Variants in LIAS observed in about 807,000 individuals in gnomAD.
The protein encoded by LIAS is lipoic acid synthetase, also known as lipoyl synthase, mitochondrial.
A neutral mutation model predicts 49.4 loss-of-function variants in LIAS; 36 were observed. The ratio of observed to expected loss-of-function variants is 0.73; its 90% CI spans 0.56 to 0.96. The LOEUF is 0.96. LIAS is among the 40% of genes least tolerant of loss of function. The pLI is 0.00. For missense variants in LIAS, 399 were observed against 456.3 expected (o/e 0.87, Z 1.14); for synonymous variants, 145 against 155.8 (o/e 0.93, Z 0.52).
At chr4:39,476,808 C>A in intron 10 of LIAS, 2 of 412,372 alleles carry the variant, frequency 4.8e-6, no homozygotes, top group Non-Finnish European at 4.3e-6. Flanking sequence ...AGTAGGGTCA[C>A]CCTTTGTAAT....
At chr4:39,476,544 C>T (rs17618369) in intron 10 of LIAS, 47,554 of 152,598 alleles carry the variant, frequency 0.31, 8,290 homozygotes, top group South Asian at 0.46. Flanking sequence ...ATTGCGTAGG[C>T]ACAACTCAGG....
At chr4:39,473,468 CAATT>C (rs934636628) in intron 10 of LIAS, 1 of 287,746 alleles carries the variant, frequency 3.5e-6, no homozygotes, top group Non-Finnish European at 6.4e-6. Context: ...AAAGCAGAAA[CAATT>C]AGTTTATTAA....
intron 4 of LIAS, chr4:39,463,920 A>T: frequency 3.9e-6 from 1 of 255,384 alleles, no homozygotes; most frequent in Non-Finnish European, 7.2e-6. Flanking sequence ...TGTTTAACAT[A>T]TTCAACAAGA....
chr4:39,461,478 T>C (rs1415674560), intron 2 of LIAS, among the ~76,000 whole-genome samples: 4 of 152,336 alleles, frequency 2.6e-5, no homozygotes, highest in Admixed American at 6.5e-5. Context: ...TTTTTTCCAT[T>C]GAGTAACCAC....
In LIAS at chr4:39,479,035, C is replaced by G. The variant is rs1745304039; in HGVS notation, c.*1920C>G. The G allele has an allele frequency of 6.6e-6, 1 of 152,036 alleles. No homozygotes were observed. Among genetic ancestry groups the G allele is most frequent in the African/African-American group, 2.4e-5 (1 of 41,376 alleles). 9.4% of individuals were successfully genotyped at this position (152,036 alleles called of 1,614,324 possible). Reference sequence around the variant, plus strand: ...CTAGCCTGGGCAACACAGTCAGACCCCCATCTCTACCAAAAATACAAAAAA... The same window carrying G: ...CTAGCCTGGGCAACACAGTCAGACCGCCATCTCTACCAAAAATACAAAAAA... On this transcript the variant is annotated 3_prime_UTR_variant, in exon 11 of 11. Transcript: ENST00000640888.
chr4:39,472,984 G>A, intron 9 of LIAS, 116 bp from the exon 10 acceptor site: 1 of 624,616 alleles, frequency 1.6e-6, no homozygotes, highest in Non-Finnish European at 2.8e-6. Context: ...AAAAGCCTGG[G>A]GGTGGGGGCA....
chr4:39,472,845 TC>T (rs1403994233), intron 9 of LIAS, among the ~76,000 whole-genome samples: 1 of 152,198 alleles, frequency 6.6e-6, no homozygotes, highest in Non-Finnish European at 1.5e-5. Flanking sequence ...TCTTTCTCTG[TC>T]CTTTGGAATA....
At chr4:39,462,818 C>T (rs199948351) in intron 3 of LIAS, among the ~76,000 whole-genome samples, 2 of 152,244 alleles carry the variant, frequency 1.3e-5, no homozygotes, top group East Asian at 3.9e-4. Flanking sequence ...AACCCCGTCT[C>T]TAATAAAATA....
At chr4:39,462,922 G>A (rs1411886270) in intron 3 of LIAS, among the ~76,000 whole-genome samples, 1 of 152,208 alleles carries the variant, frequency 6.6e-6, no homozygotes, top group Non-Finnish European at 1.5e-5. Context: ...GGGAGGTGGA[G>A]ATTGCAGTGA....
intron 7 of LIAS, chr4:39,468,502 A>AAAAAAAATATATAT (rs140159831): frequency 9.6e-5 from 12 of 125,184 alleles, no homozygotes; most frequent in African/African-American, 3.6e-4. Context: ...GGAAAAAAAA[A>AAAAAAAATATATAT]ATATATATAT....
At chr4:39,468,506 T>C (rs569246738) in intron 7 of LIAS, 1 of 125,872 alleles carries the variant, frequency 7.9e-6, no homozygotes, top group Non-Finnish European at 1.7e-5. Context: ...AAAAAAAATA[T>C]ATATATATAT....
rs945342644 is a variant in LIAS, at chr4:39,477,213, C to T, written c.*98C>T. The T allele has an allele frequency of 2.4e-6, 2 of 843,096 alleles. No individual in the cohort carries two copies. The highest frequency in any genetic ancestry group is 3.8e-6 in the Non-Finnish European group (2 of 527,180). 52.2% of individuals were successfully genotyped at this position (843,096 alleles called of 1,614,324 possible). A position where few individuals can be genotyped will look rare whatever the true frequency, so the allele number is the denominator to read the frequency against. On this transcript the variant is annotated 3_prime_UTR_variant, in exon 11 of 11. Coordinates refer to ENST00000640888, the MANE Select transcript of LIAS (RefSeq NM_006859.4). ...GAATGCCTGGACTGCAGTGGATGTG[C>T]CCCACCTCTTTGCTTAAAAAAAAAA...
chr4:39,470,912 A>C (rs533550596), intron 8 of LIAS, among the ~76,000 whole-genome samples: 1 of 146,708 alleles, frequency 6.8e-6, no homozygotes, highest in Admixed American at 6.9e-5. Context: ...GTTTTTGCAT[A>C]TACCATTTCC....
chr4:39,478,786 C>T lies in LIAS; in HGVS notation c.*1671C>T, dbSNP rs747043211. ...CTAATAACTCAGATTCATCTTTTGA[C>T]TGAATCCTGCCTTTCTACTTTTTCT... On this transcript the variant is annotated 3_prime_UTR_variant, in exon 11 of 11. Coordinates refer to ENST00000640888, the MANE Select transcript of LIAS (RefSeq NM_006859.4). The T allele has an allele frequency of 2.0e-5, 3 of 152,218 alleles. No individual in the cohort carries two copies. The highest frequency in any genetic ancestry group is 4.4e-5 in the Non-Finnish European group (3 of 68,040). The allele number at this position is 152,218 out of a possible 1,614,324, so 9.4% of individuals were successfully genotyped here. A position where few individuals can be genotyped will look rare whatever the true frequency, so the allele number is the denominator to read the frequency against.
chr4:39,465,649 C>G (rs981131250), intron 6 of LIAS, among the ~76,000 whole-genome samples: 6 of 149,498 alleles, frequency 4.0e-5, no homozygotes, highest in African/African-American at 1.5e-4. Context: ...AAAGTATAAA[C>G]CTGGTCTTCT....
chr4:39,462,324 C>A, intron 3 of LIAS, 35 bp downstream of exon 3: 2 of 1,016,062 alleles, frequency 2.0e-6, no homozygotes, highest in South Asian at 1.8e-5. Flanking sequence ...CCCTCTTCAC[C>A]AAAAGCCATG....
At chr4:39,466,325 A>G (rs943565549) in intron 6 of LIAS, 1 of 151,968 alleles carries the variant, frequency 6.6e-6, no homozygotes, top group Non-Finnish European at 1.5e-5. Flanking sequence ...ATTCCCTAGT[A>G]TTTTCTATTT....
intron 10 of LIAS, chr4:39,474,098 T>C (rs1380729682): frequency 2.0e-5 from 3 of 150,776 alleles, no homozygotes; most frequent in African/African-American, 7.3e-5. Context: ...CCCTCTCCAC[T>C]AAAAATACAA....
intron 10 of LIAS, 76 bp downstream of exon 10, chr4:39,473,287 A>C: frequency 1.1e-6 from 1 of 888,172 alleles, no homozygotes; most frequent in African/African-American, 1.7e-5. Context: ...AGTCACTAAA[A>C]CTCTTGACAA....
Sources: gnomAD v4.1 joint callset for allele counts (sites outside exome capture counted in the v4.1 genomes callset) on GRCh38, gnomAD v4.1.1 for gene constraint, MANE v1.5 for transcripts, NCBI Gene and HGNC (gene_info 2026-07-23, HGNC 2026-07-21) for gene names.